The following DMD variants were observed in gnomAD, a reference collection of about 807,000 sequenced individuals.
DMD encodes dystrophin.
Under a neutral mutation model 330.1 loss-of-function variants are expected in DMD, and 63 were observed. The ratio of observed to expected loss-of-function variants is 0.19; its 90% CI spans 0.16 to 0.24. The LOEUF is 0.24. Ranked by LOEUF, DMD falls within the 10% of genes least tolerant of loss-of-function variation. The pLI is 1.00. For missense variants in DMD, 3,344 were observed against 2,684.1 expected (o/e 1.25, Z -5.43); for synonymous variants, 1,223 against 959.8 (o/e 1.27, Z -5.07).
chrX:32,781,446 A>C (rs976247689), intron 7 of DMD, among the ~76,000 whole-genome samples: 1 of 112,304 alleles, frequency 8.9e-6, no homozygotes, highest in Non-Finnish European at 1.9e-5. Flanking sequence ...AAAATCAACG[A>C]AACATTTGAA....
In DMD at chrX:32,565,897, A is replaced by G. The variant is rs997756151; in HGVS notation, c.1813-16T>C. ...CTTTTAAAACCTGTTAAAACAAGAA[A>G]GATCACAGAATAAGCCTGGGTTGCA... On this transcript the variant is annotated splice_polypyrimidine_tract_variant and intron_variant, in intron 15 of 78. Transcript: ENST00000357033. The G allele has an allele frequency of 4.2e-6, 5 of 1,197,515 alleles. No individual in the cohort carries two copies. In the Admixed American group the frequency reaches 1.1e-4, roughly 26 times the overall value.
At chrX:31,206,461 A>G (rs1411466843) in intron 66 of DMD, 121 bp downstream of exon 66, 13 of 625,053 alleles carry the variant, frequency 2.1e-5, no homozygotes, top group Non-Finnish European at 3.1e-5. Context: ...CTCTAAAAGC[A>G]GTTCTACATC....
intron 7 of DMD, among the ~76,000 whole-genome samples, chrX:32,758,816 T>G (rs1002808097): frequency 9.0e-6 from 1 of 111,656 alleles, no homozygotes; most frequent in East Asian, 2.8e-4. Context: ...ATAGGGGCCA[T>G]GTGCTCCGCA....
intron 25 of DMD, among the ~76,000 whole-genome samples, chrX:32,461,220 T>C (rs1404388630): frequency 8.9e-6 from 1 of 111,935 alleles, no homozygotes; most frequent in Non-Finnish European, 1.9e-5. Flanking sequence ...GATATTTCTG[T>C]AATGCATAGA....
At chrX:32,810,481 G>T (rs1293274868) in intron 6 of DMD, among the ~76,000 whole-genome samples, 1 of 111,677 alleles carries the variant, frequency 9.0e-6, no homozygotes, top group Non-Finnish European at 1.9e-5. Flanking sequence ...TTTTCTTGCT[G>T]TTCTCCCTTC....
chrX:32,498,995 A>C (rs373898440), intron 19 of DMD, among the ~76,000 whole-genome samples: 23 of 111,836 alleles, frequency 2.1e-4, no homozygotes, highest in South Asian at 7.4e-4. Flanking sequence ...TGCATTACTT[A>C]AGTGATGTTG....
At chrX:32,367,526 T>C (rs1178384269) in intron 34 of DMD, among the ~76,000 whole-genome samples, 1 of 112,446 alleles carries the variant, frequency 8.9e-6, no homozygotes, top group Admixed American at 9.4e-5. Context: ...AGTTATTGTG[T>C]ACATAGATTT....
At chrX:31,122,806 G>A (rs775287732) in intron 78 of DMD, among the ~76,000 whole-genome samples, 3 of 111,516 alleles carry the variant, frequency 2.7e-5, no homozygotes, top group East Asian at 2.8e-4. Flanking sequence ...CTCCCAGCAC[G>A]GAGAAAAAGA....
chrX:32,343,081 GT>G, intron 40 of DMD, 52 bp downstream of exon 40: 1 of 1,090,554 alleles, frequency 9.2e-7, no homozygotes, highest in South Asian at 1.8e-5. Context: ...ATCTTCACAG[GT>G]TAATTAAACT....
chrX:32,712,220 C>A (rs772553797), intron 7 of DMD, among the ~76,000 whole-genome samples: 8 of 111,044 alleles, frequency 7.2e-5, no homozygotes, highest in African/African-American at 2.6e-4. Flanking sequence ...AAATAGTGAG[C>A]AAAAATAAAA....
At chrX:32,063,580 C>T (rs1462420625) in intron 44 of DMD, among the ~76,000 whole-genome samples, 4 of 111,310 alleles carry the variant, frequency 3.6e-5, no homozygotes, top group African/African-American at 1.3e-4. Flanking sequence ...TAGGATTCCA[C>T]GCACAAAAGG....
intron 1 of DMD, among the ~76,000 whole-genome samples, chrX:33,276,512 C>T (rs977409797): frequency 1.8e-5 from 2 of 110,934 alleles, no homozygotes; most frequent in Non-Finnish European, 3.8e-5. Flanking sequence ...CCAGAGAGCA[C>T]GAAACTAAGC....
intron 19 of DMD, among the ~76,000 whole-genome samples, chrX:32,494,366 G>A (rs1327489913): frequency 2.7e-5 from 3 of 111,254 alleles, no homozygotes; most frequent in Non-Finnish European, 5.7e-5. Context: ...GCAGTGATAG[G>A]TAAAAGAACG....
intron 62 of DMD, among the ~76,000 whole-genome samples, chrX:31,308,693 T>C (rs1023504634): frequency 9.0e-6 from 1 of 111,230 alleles, no homozygotes; most frequent in Non-Finnish European, 1.9e-5. Context: ...ACTGCAGGCA[T>C]AAGCTGCTGT....
rs183682961 is a variant in DMD, at chrX:31,574,288, C to T, written c.8217+53385G>A. ...CCTCCTGAGTAGCTGGGACCACAGG[C>T]GCCCACCACAACACCCGGCTGATTT... On this transcript the variant is annotated intron_variant, in intron 55 of 78. Coordinates refer to ENST00000357033, the MANE Select transcript of DMD (RefSeq NM_004006.3). Among the ~76,000 whole-genome samples, 33 of 107,960 alleles carry T rather than the reference C, an allele frequency of 3.1e-4. No homozygotes were observed. The East Asian group carries it at 7.9e-3, about 26-fold the overall frequency. The allele number at this position is 107,960 out of a possible 115,157, so 93.8% of individuals were successfully genotyped here. A position where few individuals can be genotyped will look rare whatever the true frequency, so the allele number is the denominator to read the frequency against.
At chrX:32,767,271 CAT>C (rs1226086260) in intron 7 of DMD, among the ~76,000 whole-genome samples, 1 of 111,084 alleles carries the variant, frequency 9.0e-6, no homozygotes, top group Non-Finnish European at 1.9e-5. Flanking sequence ...GTAGAAAAAT[CAT>C]AAAATATCCA....
chrX:31,581,669 G>A (rs2076346509), intron 55 of DMD, among the ~76,000 whole-genome samples: 2 of 111,717 alleles, frequency 1.8e-5, no homozygotes, highest in Admixed American at 9.5e-5. Flanking sequence ...TTTTATCAAG[G>A]GCAAGTTTAT....
intron 2 of DMD, among the ~76,000 whole-genome samples, chrX:32,983,226 GAAA>G (rs764909808): frequency 1.8e-5 from 2 of 110,708 alleles, no homozygotes; most frequent in Admixed American, 1.9e-4. Flanking sequence ...CTCCCCTAGA[GAAA>G]ATTTACTGTC....
At chrX:31,394,779 G>A (rs983167635) in intron 60 of DMD, among the ~76,000 whole-genome samples, 2 of 111,568 alleles carry the variant, frequency 1.8e-5, no homozygotes, top group African/African-American at 3.3e-5. Flanking sequence ...GGGCCACGGA[G>A]CGAGACTCTG....
Sources: allele counts gnomAD v4.1 joint callset (sites outside exome capture counted in the v4.1 genomes callset), GRCh38; gene constraint gnomAD v4.1.1; transcripts MANE v1.5; gene names NCBI Gene and HGNC (gene_info 2026-07-23, HGNC 2026-07-21).